Variants in PAK3 observed in about 807,000 individuals in gnomAD.
The protein encoded by PAK3 is p21 (RAC1) activated kinase 3, also known as serine/threonine-protein kinase PAK 3.
PAK3 carries 4 observed loss-of-function variants against 41.0 expected under a neutral mutation model. The ratio of observed to expected loss-of-function variants is 0.10; its 90% CI spans 0.05 to 0.22. The LOEUF (loss-of-function observed/expected upper bound fraction) is 0.22. Ranked by LOEUF, PAK3 falls within the 10% of genes least tolerant of loss-of-function variation. The probability of loss-of-function intolerance (pLI) is 1.00; values close to 1 mark genes in which losing one functional copy is unlikely to be tolerated. For synonymous variants in PAK3, 146 were observed against 139.6 expected, an observed-to-expected ratio of 1.05 and a Z score of -0.32; for missense variants, 205 against 409.9, an observed-to-expected ratio of 0.50 and a Z score of 4.32.
chrX:111,006,861 T>TCTTTC, intron 1 of PAK3, among the ~76,000 whole-genome samples: 1 of 43,050 alleles, frequency 2.3e-5, no homozygotes. Context: ...TTTTTTTTTT[T>TCTTTC]TTTGATAAGT....
intron 1 of PAK3, among the ~76,000 whole-genome samples, chrX:110,994,810 A>G (rs961090583): frequency 3.6e-5 from 4 of 111,454 alleles, no homozygotes; most frequent in African/African-American, 1.3e-4. Flanking sequence ...ATCCTCATCT[A>G]TGGAGTGATG....
At chrX:111,075,892 C>A (rs1196883740) in intron 1 of PAK3, among the ~76,000 whole-genome samples, 1 of 112,792 alleles carries the variant, frequency 8.9e-6, no homozygotes, top group Non-Finnish European at 1.9e-5. Context: ...TGTGCCCTGG[C>A]TGGTGGACAT....
intron 11 of PAK3, among the ~76,000 whole-genome samples, chrX:111,180,326 G>A (rs2094451252): frequency 1.8e-5 from 2 of 111,012 alleles, no homozygotes; most frequent in African/African-American, 3.3e-5. Context: ...GCTTGTTTAC[G>A]ACATCCAACA....
At chrX:111,096,964 T>G (rs1272901910) in intron 1 of PAK3, among the ~76,000 whole-genome samples, 1 of 109,362 alleles carries the variant, frequency 9.1e-6, no homozygotes, top group East Asian at 2.9e-4. Flanking sequence ...CCCCTCTTTC[T>G]TTTATTTTTC....
intron 1 of PAK3, among the ~76,000 whole-genome samples, chrX:111,038,749 G>A (rs2092424646): frequency 8.9e-6 from 1 of 112,058 alleles, no homozygotes; most frequent in African/African-American, 3.2e-5. Flanking sequence ...CTACATCATA[G>A]GATTGTTATG....
chrX:111,210,313 CT>C (rs911939623), intron 16 of PAK3, among the ~76,000 whole-genome samples: 1 of 111,444 alleles, frequency 9.0e-6, no homozygotes, highest in East Asian at 2.8e-4. Context: ...CCAGAGAACA[CT>C]TTTTTTCTTC....
chrX:111,067,065 G>A (rs1049706250), intron 1 of PAK3, among the ~76,000 whole-genome samples: 44 of 111,556 alleles, frequency 3.9e-4, no homozygotes, highest in African/African-American at 1.3e-3. Context: ...TATTTTATCC[G>A]TTGACTACCT....
At chrX:111,059,508 G>A (rs757320634) in intron 1 of PAK3, among the ~76,000 whole-genome samples, 7 of 111,167 alleles carry the variant, frequency 6.3e-5, no homozygotes, top group East Asian at 2.8e-4. Flanking sequence ...GGATTGCATC[G>A]CATCTATAGG....
intron 13 of PAK3, among the ~76,000 whole-genome samples, chrX:111,193,990 C>T (rs1388654400): frequency 9.0e-6 from 1 of 111,158 alleles, no homozygotes; most frequent in East Asian, 2.8e-4. Flanking sequence ...ACATTGGGTT[C>T]ATTCCATTTC....
intron 1 of PAK3, among the ~76,000 whole-genome samples, chrX:111,050,800 A>G (rs1012964654): frequency 1.8e-5 from 2 of 112,734 alleles, no homozygotes; most frequent in Admixed American, 9.4e-5. Flanking sequence ...GCCAGTTTCA[A>G]TGCTTGTGCA....
At chrX:111,167,982 T>A (rs111435954) in intron 10 of PAK3, among the ~76,000 whole-genome samples, 10 of 111,306 alleles carry the variant, frequency 9.0e-5, no homozygotes, top group Middle Eastern at 4.6e-3. Context: ...TGGGCCCCAC[T>A]ATCACCTACT....
chrX:110,961,034 G>T lies in PAK3; in HGVS notation c.-28+16406G>T, dbSNP rs748272282. On this transcript the variant is annotated intron_variant, in intron 1 of 14. Coordinates refer to the PAK3 transcript ENST00000425146. ...TTTTCCTATTTAACCCTATATTATA[G>T]TGGTTTAGCAAAACCCAAACCATAG... 1.4e-4 allele frequency among the ~76,000 whole-genome samples: 15 copies of T among 110,495 alleles called. No individual in the cohort carries two copies. In the East Asian group the frequency reaches 4.3e-3, roughly 32 times the overall value.
intron 1 of PAK3, among the ~76,000 whole-genome samples, chrX:111,032,870 T>C (rs1569508820): frequency 9.0e-6 from 1 of 111,017 alleles, no homozygotes; most frequent in Non-Finnish European, 1.9e-5. Flanking sequence ...TAAAGGGCTC[T>C]TCATAGGCTC....
chrX:111,002,285 T>C (rs1000189401), intron 1 of PAK3, among the ~76,000 whole-genome samples: 3 of 112,110 alleles, frequency 2.7e-5, no homozygotes, highest in African/African-American at 9.7e-5. Context: ...GGCTAAGAGA[T>C]GTTAAATAAC....
intron 4 of PAK3, among the ~76,000 whole-genome samples, chrX:111,112,212 C>T (rs1000228208): frequency 5.4e-5 from 6 of 110,597 alleles, no homozygotes; most frequent in African/African-American, 2.0e-4. Flanking sequence ...CTTCTTAATT[C>T]GTCTCTATGG....
At chrX:111,184,082 A>C (rs373747595) in intron 11 of PAK3, among the ~76,000 whole-genome samples, 23 of 111,346 alleles carry the variant, frequency 2.1e-4, no homozygotes, top group African/African-American at 7.2e-4. Flanking sequence ...GAGGAAGTTA[A>C]ACTGGATGTT....
chrX:111,046,773 G>A (rs2092502641), intron 1 of PAK3, among the ~76,000 whole-genome samples: 1 of 112,162 alleles, frequency 8.9e-6, no homozygotes, highest in Admixed American at 9.4e-5. Context: ...GATAAATGCT[G>A]CATAAGAACT....
Position 111,110,605 on chromosome X carries a change from A to G in PAK3, c.-28+7299A>G, listed in dbSNP as rs745565635. 2.7e-5 allele frequency among the ~76,000 whole-genome samples: 3 copies of G among 111,699 alleles called. No individual in the cohort carries two copies. In the East Asian group the frequency reaches 8.4e-4, roughly 31 times the overall value. ...TTTGGAAAGCAGTACCTTTCCAAAC[A>G]TAGCTGAGTGACATAGGGCCACAGT... On this transcript the variant is annotated intron_variant, in intron 4 of 17. Coordinates refer to ENST00000372007, the MANE Select transcript of PAK3 (RefSeq NM_002578.5).
At chrX:111,090,686 C>T (rs925129059) in intron 1 of PAK3, among the ~76,000 whole-genome samples, 3 of 111,649 alleles carry the variant, frequency 2.7e-5, no homozygotes, top group African/African-American at 9.8e-5. Context: ...AATAATCAGC[C>T]TTTAGCTCTC....
Sources: allele counts gnomAD v4.1 joint callset (sites outside exome capture counted in the v4.1 genomes callset), GRCh38; gene constraint gnomAD v4.1.1; transcripts MANE v1.5; gene names NCBI Gene and HGNC (gene_info 2026-07-23, HGNC 2026-07-21).